Variants in NSMCE2 observed in about 807,000 individuals in gnomAD.
NSMCE2 encodes the protein NSE2 SUMO ligase component of SMC5/6 complex.
A neutral mutation model predicts 23.8 loss-of-function variants in NSMCE2; 24 were observed. That is an observed-to-expected ratio of 1.01 (90% confidence interval 0.73 to 1.42). The LOEUF (loss-of-function observed/expected upper bound fraction) is 1.42. Among genes scored for constraint, NSMCE2 ranks in the 40% most tolerant of loss-of-function variants. The pLI is 0.00. For synonymous variants in NSMCE2, 92 were observed against 94.1 expected (o/e 0.98, Z 0.13); for missense variants, 284 against 296.5 (o/e 0.96, Z 0.31).
At chr8:125,217,024 A>C (rs1824619470) in intron 5 of NSMCE2, among the ~76,000 whole-genome samples, 2 of 152,332 alleles carry the variant, frequency 1.3e-5, no homozygotes, top group South Asian at 4.1e-4. Context: ...GCATCCATTT[A>C]TTCCACAAAG....
chr8:125,261,181 T>C (rs1586685295), intron 5 of NSMCE2, among the ~76,000 whole-genome samples: 1 of 152,338 alleles, frequency 6.6e-6, no homozygotes, highest in Non-Finnish European at 1.5e-5. Context: ...TCAAAGTTTA[T>C]TGTTTAACAC....
At chr8:125,179,770 C>T (rs774417797) in intron 4 of NSMCE2, among the ~76,000 whole-genome samples, 3 of 152,012 alleles carry the variant, frequency 2.0e-5, no homozygotes, top group Non-Finnish European at 4.4e-5. Flanking sequence ...CAAAATGCCT[C>T]TCCCCTCCAT....
At chr8:125,222,053 T>A (rs1824886665) in intron 5 of NSMCE2, among the ~76,000 whole-genome samples, 1 of 152,164 alleles carries the variant, frequency 6.6e-6, no homozygotes, top group Non-Finnish European at 1.5e-5. Flanking sequence ...TGTATACTCA[T>A]TTGTCAAACT....
At chr8:125,279,210 G>A (rs1451312619) in intron 5 of NSMCE2, among the ~76,000 whole-genome samples, 3 of 152,130 alleles carry the variant, frequency 2.0e-5, no homozygotes, top group Admixed American at 1.3e-4. Context: ...GTGCACCTGG[G>A]AGCTGAGACG....
intron 5 of NSMCE2, among the ~76,000 whole-genome samples, chr8:125,282,952 G>GTA (rs1827750889): frequency 1.3e-5 from 2 of 152,238 alleles, no homozygotes; most frequent in Admixed American, 1.3e-4. Flanking sequence ...TAGGAAGGTA[G>GTA]TCTAGCATAA....
rs189406350 is a variant in NSMCE2, at chr8:125,166,558, C to T, written c.264+15281C>T. Among the ~76,000 whole-genome samples, 725 of 152,288 alleles carry T rather than the reference C, an allele frequency of 4.8e-3. 5 individuals are homozygous for T. The highest frequency in any genetic ancestry group is 0.016 in the African/African-American group (667 of 41,558). Reference sequence around the variant, plus strand: ...CTGGGATTACAGGTGTGAGCCACCGCGCCTGGCCCTAAATAGATTTTTTAA... The same window carrying T: ...CTGGGATTACAGGTGTGAGCCACCGTGCCTGGCCCTAAATAGATTTTTTAA... On this transcript the variant is annotated intron_variant, in intron 4 of 7. Coordinates refer to ENST00000287437, the MANE Select transcript of NSMCE2 (RefSeq NM_173685.4).
At chr8:125,311,023 G>A (rs866117986) in intron 5 of NSMCE2, among the ~76,000 whole-genome samples, 2 of 152,134 alleles carry the variant, frequency 1.3e-5, no homozygotes, top group African/African-American at 4.8e-5. Context: ...AACTGAAACC[G>A]AATTGATTTT....
At chr8:125,327,781 A>G (rs377586253) in intron 5 of NSMCE2, among the ~76,000 whole-genome samples, 15 of 152,112 alleles carry the variant, frequency 9.9e-5, no homozygotes, top group East Asian at 3.8e-4. Context: ...AAATATATGT[A>G]TACAATTGTT....
chr8:125,158,119 T>A (rs927142724), intron 4 of NSMCE2, among the ~76,000 whole-genome samples: 2 of 152,194 alleles, frequency 1.3e-5, no homozygotes, highest in African/African-American at 4.8e-5. Flanking sequence ...TTCAACCCCC[T>A]AATTTTACGA....
intron 5 of NSMCE2, among the ~76,000 whole-genome samples, chr8:125,345,910 C>T (rs553839337): frequency 1.3e-3 from 200 of 152,282 alleles, no homozygotes; most frequent in Non-Finnish European, 2.1e-3. Flanking sequence ...AATCCCAGCA[C>T]TTTGGGAGGC....
At chr8:125,241,878 C>G (rs1023274481) in intron 5 of NSMCE2, among the ~76,000 whole-genome samples, 1 of 152,172 alleles carries the variant, frequency 6.6e-6, no homozygotes, top group Non-Finnish European at 1.5e-5. Flanking sequence ...AAGAGAGACA[C>G]CCTGTCTGTC....
intron 5 of NSMCE2, among the ~76,000 whole-genome samples, chr8:125,244,584 A>G (rs1029985586): frequency 2.0e-5 from 3 of 152,252 alleles, no homozygotes; most frequent in African/African-American, 7.2e-5. Flanking sequence ...ATCTTTAAAA[A>G]TATCATAATG....
intron 4 of NSMCE2, among the ~76,000 whole-genome samples, chr8:125,151,916 G>A (rs1348739767): frequency 6.6e-6 from 1 of 152,132 alleles, no homozygotes; most frequent in Non-Finnish European, 1.5e-5. Context: ...CTGAGCAGTG[G>A]AAACTCCCTG....
At chr8:125,257,420 G>A (rs760785142) in intron 5 of NSMCE2, among the ~76,000 whole-genome samples, 1 of 152,018 alleles carries the variant, frequency 6.6e-6, no homozygotes, top group African/African-American at 2.4e-5. Flanking sequence ...GTTGAAAAAG[G>A]GGGTAATCTC....
At chr8:125,154,041 A>T (rs185971031) in intron 4 of NSMCE2, among the ~76,000 whole-genome samples, 1 of 152,110 alleles carries the variant, frequency 6.6e-6, no homozygotes. Flanking sequence ...AAATAAGATT[A>T]TTTTTTTAAA....
chr8:125,125,489 A>C (rs1417626570), intron 3 of NSMCE2, among the ~76,000 whole-genome samples: 1 of 152,226 alleles, frequency 6.6e-6, no homozygotes, highest in Non-Finnish European at 1.5e-5. Flanking sequence ...AAGTGGAATA[A>C]AGCTGTGAAG....
At chr8:125,109,568 A>G (rs1425400879) in intron 3 of NSMCE2, among the ~76,000 whole-genome samples, 1 of 152,198 alleles carries the variant, frequency 6.6e-6, no homozygotes. Flanking sequence ...CCAAATGATA[A>G]TGATCACATA....
intron 3 of NSMCE2, chr8:125,126,961 C>G (rs141925457): frequency 1.3e-5 from 2 of 152,068 alleles, no homozygotes; most frequent in African/African-American, 2.4e-5. Context: ...TTGGTTCTTT[C>G]GCAGGTGAGA....
chr8:125,261,204 A>C (rs1257418594), intron 5 of NSMCE2, among the ~76,000 whole-genome samples: 1 of 152,180 alleles, frequency 6.6e-6, no homozygotes, highest in Admixed American at 6.5e-5. Context: ...ATTGACAATC[A>C]CTATTATGCT....
Sources: gnomAD v4.1 joint callset for allele counts (sites outside exome capture counted in the v4.1 genomes callset) on GRCh38, gnomAD v4.1.1 for gene constraint, MANE v1.5 for transcripts, NCBI Gene and HGNC (gene_info 2026-07-23, HGNC 2026-07-21) for gene names.